Variants in THSD7B observed in about 807,000 individuals in gnomAD.
The protein encoded by THSD7B is thrombospondin type-1 domain-containing protein 7B.
A neutral mutation model predicts 213.6 loss-of-function variants in THSD7B; 138 were observed. The observed-to-expected ratio is 0.65, with a 90% CI of 0.56 to 0.74. THSD7B has a LOEUF of 0.74. Among genes scored for constraint, THSD7B ranks in the 30% least tolerant of loss-of-function variants. THSD7B has a pLI of 0.00. For synonymous variants in THSD7B, 742 were observed against 687.0 expected (o/e 1.08, Z -1.25); for missense variants, 1,931 against 1,991.5 (o/e 0.97, Z 0.58).
At chr2:137,492,557 A>G (rs1351581279) in intron 15 of THSD7B, among the ~76,000 whole-genome samples, 1 of 152,196 alleles carries the variant, frequency 6.6e-6, no homozygotes, top group African/African-American at 2.4e-5. Flanking sequence ...ATTCAAGGTT[A>G]GTAAAGAGGA....
At chr2:137,416,780 G>A (rs1290815033) in intron 14 of THSD7B, among the ~76,000 whole-genome samples, 1 of 152,212 alleles carries the variant, frequency 6.6e-6, no homozygotes, top group Non-Finnish European at 1.5e-5. Context: ...GTAACACAAA[G>A]AGCACAGAAA....
At chr2:137,534,019 C>CGT (rs1680454116) in intron 15 of THSD7B, among the ~76,000 whole-genome samples, 1 of 48,744 alleles carries the variant, frequency 2.1e-5, no homozygotes, top group Non-Finnish European at 4.3e-5. Flanking sequence ...TGTGTGCGCG[C>CGT]ACACACACAC....
intron 12 of THSD7B, among the ~76,000 whole-genome samples, chr2:137,403,492 A>T (rs1479454554): frequency 1.3e-5 from 2 of 152,214 alleles, no homozygotes; most frequent in East Asian, 3.8e-4. Flanking sequence ...CACATAGCAG[A>T]TTTTAAAGAA....
intron 10 of THSD7B, among the ~76,000 whole-genome samples, chr2:137,265,948 T>A (rs1225927999): frequency 1.3e-5 from 2 of 152,222 alleles, no homozygotes; most frequent in Non-Finnish European, 2.9e-5. Context: ...TTATAGGTAC[T>A]AATTGCCTTG....
chr2:137,392,942 T>A, intron 12 of THSD7B, among the ~76,000 whole-genome samples: 1 of 152,054 alleles, frequency 6.6e-6, no homozygotes, highest in East Asian at 1.9e-4. Flanking sequence ...TTTTTATGTT[T>A]TTACGGTGGT....
At chr2:137,002,329 C>T (rs1686015220) in intron 2 of THSD7B, among the ~76,000 whole-genome samples, 1 of 152,082 alleles carries the variant, frequency 6.6e-6, no homozygotes, top group Non-Finnish European at 1.5e-5. Flanking sequence ...TCTCATGTTA[C>T]AGATGAGAAA....
intron 11 of THSD7B, among the ~76,000 whole-genome samples, chr2:137,275,538 GT>G (rs1051644970): frequency 1.4e-3 from 189 of 136,026 alleles, no homozygotes; most frequent in Middle Eastern, 7.7e-3. Context: ...TTCTTGTATT[GT>G]TTTTTTTTTT....
chr2:137,492,475 G>T (rs762907271), intron 15 of THSD7B, among the ~76,000 whole-genome samples: 1 of 152,172 alleles, frequency 6.6e-6, no homozygotes, highest in Non-Finnish European at 1.5e-5. Flanking sequence ...TGTGGTATAA[G>T]TAGGTAATAA....
At chr2:137,029,131 T>C (rs1558892721) in intron 2 of THSD7B, among the ~76,000 whole-genome samples, 1 of 142,200 alleles carries the variant, frequency 7.0e-6, no homozygotes, top group Non-Finnish European at 1.5e-5. Flanking sequence ...CATGCTAGAG[T>C]TTAGTGGCAT....
chr2:137,079,835 TTTTG>T (rs1173895635), intron 3 of THSD7B, among the ~76,000 whole-genome samples: 1 of 152,116 alleles, frequency 6.6e-6, no homozygotes, highest in Non-Finnish European at 1.5e-5. Context: ...TATTTTGTTT[TTTTG>T]TTTGTTTGTT....
chr2:137,377,914 C>T (rs555934393), intron 12 of THSD7B, among the ~76,000 whole-genome samples: 3 of 152,226 alleles, frequency 2.0e-5, no homozygotes, highest in South Asian at 2.1e-4. Context: ...CATAAGCTAC[C>T]GCGCCTGGAC....
intron 20 of THSD7B, among the ~76,000 whole-genome samples, chr2:137,630,983 C>G (rs1682731683): frequency 6.6e-6 from 1 of 152,108 alleles, no homozygotes; most frequent in African/African-American, 2.4e-5. Flanking sequence ...CTGATGCTTC[C>G]CCATGAGCCA....
chr2:137,011,488 C>G (rs79845553), intron 2 of THSD7B, among the ~76,000 whole-genome samples: 1,860 of 152,222 alleles, frequency 0.012, 39 homozygotes, highest in African/African-American at 0.043. Context: ...TGACCTGCAC[C>G]TACTAGATGC....
chr2:137,001,643 T>C (rs1430948160), intron 2 of THSD7B, among the ~76,000 whole-genome samples: 2 of 152,172 alleles, frequency 1.3e-5, no homozygotes, highest in Non-Finnish European at 2.9e-5. Context: ...AAGCCAAACT[T>C]TCTGGCCTGA....
At chr2:137,104,974 GAGGTTCAA>G (rs1222920402) in intron 4 of THSD7B, among the ~76,000 whole-genome samples, 1 of 152,160 alleles carries the variant, frequency 6.6e-6, no homozygotes, top group African/African-American at 2.4e-5. Context: ...AATTCTACCA[GAGGTTCAA>G]AGAGGAGCTG....
intron 17 of THSD7B, among the ~76,000 whole-genome samples, chr2:137,583,865 T>G (rs113080666): frequency 6.6e-6 from 1 of 152,110 alleles, no homozygotes; most frequent in African/African-American, 2.4e-5. Flanking sequence ...TTTTTTCCAA[T>G]TCTGTGAAGA....
At chr2:137,640,129 TC>T (rs1682912057) in intron 20 of THSD7B, among the ~76,000 whole-genome samples, 1 of 152,100 alleles carries the variant, frequency 6.6e-6, no homozygotes, top group Non-Finnish European at 1.5e-5. Context: ...TCTCCAGAAT[TC>T]CCACCTGTTG....
At chr2:136,926,296 T>C (rs1024298328) in intron 2 of THSD7B, among the ~76,000 whole-genome samples, 1 of 152,246 alleles carries the variant, frequency 6.6e-6, no homozygotes, top group Admixed American at 6.5e-5. Context: ...ATATTGGCTC[T>C]GACTCCCTGC....
At chr2:136,880,032 C>G (rs936205422) in intron 1 of THSD7B, among the ~76,000 whole-genome samples, 2 of 152,128 alleles carry the variant, frequency 1.3e-5, no homozygotes, top group Non-Finnish European at 2.9e-5. Flanking sequence ...CTATAACACC[C>G]CACTGTCAAC....
Sources: allele counts gnomAD v4.1 joint callset (sites outside exome capture counted in the v4.1 genomes callset), GRCh38; gene constraint gnomAD v4.1.1; transcripts MANE v1.5; gene names NCBI Gene and HGNC (gene_info 2026-07-23, HGNC 2026-07-21).